Variants in NOVA1 observed in about 807,000 individuals in gnomAD.
NOVA1 encodes NOVA alternative splicing regulator 1.
A neutral mutation model predicts 38.0 loss-of-function variants in NOVA1; 7 were observed. That is an observed-to-expected ratio of 0.18 (90% CI 0.10 to 0.35). The LOEUF (loss-of-function observed/expected upper bound fraction) is 0.35. NOVA1 is among the 10% of genes least tolerant of loss of function. The pLI, the probability that NOVA1 is intolerant of heterozygous loss-of-function variation, is 1.00. For synonymous variants in NOVA1, 270 were observed against 232.5 expected (o/e 1.16, Z -1.47); for missense variants, 460 against 616.0 (o/e 0.75, Z 2.68).
At chr14:26,488,189 C>T (rs1886066964) in intron 2 of NOVA1, among the ~76,000 whole-genome samples, 1 of 152,164 alleles carries the variant, frequency 6.6e-6, no homozygotes, top group African/African-American at 2.4e-5. Flanking sequence ...ATATAACATG[C>T]TTAATCCAAA....
intron 2 of NOVA1, among the ~76,000 whole-genome samples, chr14:26,505,087 G>A (rs1887543059): frequency 6.6e-6 from 1 of 152,036 alleles, no homozygotes; most frequent in Admixed American, 6.6e-5. Context: ...ATCACATTCA[G>A]ATAGGTAAAA....
Position 26,597,489 on chromosome 14 carries a change from C to A in NOVA1, c.-53G>T. 1.8e-6 allele frequency: 2 copies of A among 1,086,474 alleles called. No individual in the cohort carries two copies. The allele number at this position is 1,086,474 out of a possible 1,614,324, so 67.3% of individuals were successfully genotyped here. ...GAGAAGGTTCTCCCTTTTGTTTTGGCTTTTTCTTTTCTTTTTTCTTTTTTT... is the reference window on the plus strand; with the variant it reads ...GAGAAGGTTCTCCCTTTTGTTTTGGATTTTTCTTTTCTTTTTTCTTTTTTT... On this transcript the variant is annotated 5_prime_UTR_variant, in exon 1 of 5. Transcript: ENST00000539517.
intron 3 of NOVA1, among the ~76,000 whole-genome samples, chr14:26,478,486 T>C (rs1053456305): frequency 3.9e-5 from 6 of 152,086 alleles, no homozygotes; most frequent in South Asian, 2.1e-4. Context: ...AGAAAGCCAA[T>C]AGACCTTATA....
At chr14:26,474,285 A>ACTAT (rs1884806639) in intron 3 of NOVA1, among the ~76,000 whole-genome samples, 1 of 152,028 alleles carries the variant, frequency 6.6e-6, no homozygotes, top group South Asian at 2.1e-4. Flanking sequence ...CATTAGAAGT[A>ACTAT]CTATCTAATG....
At chr14:26,566,520 A>G (rs1185575077) in intron 2 of NOVA1, among the ~76,000 whole-genome samples, 2 of 152,136 alleles carry the variant, frequency 1.3e-5, no homozygotes, top group Admixed American at 1.3e-4. Flanking sequence ...TATGGCTTTG[A>G]AAATAGTAAA....
intron 2 of NOVA1, among the ~76,000 whole-genome samples, chr14:26,535,343 T>C (rs533322091): frequency 3.3e-5 from 5 of 152,266 alleles, no homozygotes; most frequent in East Asian, 1.9e-4. Flanking sequence ...AAAACGGATA[T>C]GGTTTATTTA....
intron 2 of NOVA1, among the ~76,000 whole-genome samples, chr14:26,559,325 C>T (rs544565092): frequency 3.3e-5 from 5 of 151,968 alleles, no homozygotes; most frequent in Admixed American, 6.6e-5. Flanking sequence ...TTATTCTTAC[C>T]GTCATCATTT....
At chr14:26,455,820 G>A (rs1307885476) in intron 4 of NOVA1, among the ~76,000 whole-genome samples, 2 of 151,824 alleles carry the variant, frequency 1.3e-5, no homozygotes, top group African/African-American at 4.8e-5. Flanking sequence ...AAAACTACTA[G>A]AAGTTAAATA....
At chr14:26,525,102 G>A (rs1889203872) in intron 2 of NOVA1, among the ~76,000 whole-genome samples, 1 of 152,100 alleles carries the variant, frequency 6.6e-6, no homozygotes, top group Non-Finnish European at 1.5e-5. Flanking sequence ...CAAATTCTGA[G>A]GATCAAGACC....
chr14:26,578,518 G>C (rs1893007541), intron 2 of NOVA1, among the ~76,000 whole-genome samples: 1 of 152,046 alleles, frequency 6.6e-6, no homozygotes, highest in Non-Finnish European at 1.5e-5. Flanking sequence ...GTAGAGGTAG[G>C]CCTTTGCTAG....
At chr14:26,540,842 G>C (rs796168099) in intron 2 of NOVA1, among the ~76,000 whole-genome samples, 8 of 152,246 alleles carry the variant, frequency 5.3e-5, no homozygotes, top group African/African-American at 1.9e-4. Context: ...ATCCTCCATG[G>C]AAAGCACAAA....
chr14:26,564,239 C>T (rs1374118810), intron 2 of NOVA1, among the ~76,000 whole-genome samples: 2 of 152,096 alleles, frequency 1.3e-5, no homozygotes, highest in African/African-American at 4.8e-5. Context: ...TCTTACAAAC[C>T]ATGGTACTTC....
At chr14:26,514,532 T>A (rs73599992) in intron 2 of NOVA1, among the ~76,000 whole-genome samples, 7,303 of 151,922 alleles carry the variant, frequency 0.048, 541 homozygotes, top group African/African-American at 0.16. Context: ...TTACATATTT[T>A]TAAGTACGTA....
At chr14:26,540,604 A>T (rs1333414659) in intron 2 of NOVA1, among the ~76,000 whole-genome samples, 2 of 152,246 alleles carry the variant, frequency 1.3e-5, no homozygotes, top group East Asian at 3.8e-4. Flanking sequence ...TTGTTTTCAC[A>T]TTAGTAGCAA....
chr14:26,525,260 A>G (rs560540497), intron 2 of NOVA1, among the ~76,000 whole-genome samples: 1 of 152,272 alleles, frequency 6.6e-6, no homozygotes, highest in South Asian at 2.1e-4. Context: ...CTCAGCTGCA[A>G]ACAATAAAAC....
At chr14:26,595,176 C>T (rs1203237541) in intron 2 of NOVA1, among the ~76,000 whole-genome samples, 3 of 151,938 alleles carry the variant, frequency 2.0e-5, no homozygotes, top group African/African-American at 7.3e-5. Context: ...CAGAAATACC[C>T]GAATCATCTT....
chr14:26,459,239 T>C (rs1883454368), intron 4 of NOVA1, among the ~76,000 whole-genome samples: 1 of 152,140 alleles, frequency 6.6e-6, no homozygotes, highest in African/African-American at 2.4e-5. Flanking sequence ...AGTATCATTT[T>C]TTATCTTTTA....
chr14:26,539,321 C>T (rs1443584057), intron 2 of NOVA1, among the ~76,000 whole-genome samples: 2 of 152,014 alleles, frequency 1.3e-5, no homozygotes, highest in East Asian at 3.9e-4. Flanking sequence ...CACTAAATGC[C>T]ACAAAACTTG....
At chr14:26,538,180 C>A (rs986238348) in intron 2 of NOVA1, among the ~76,000 whole-genome samples, 1 of 152,064 alleles carries the variant, frequency 6.6e-6, no homozygotes, top group African/African-American at 2.4e-5. Flanking sequence ...CCAATATCCC[C>A]CAAACAATCA....
Sources: allele counts gnomAD v4.1 joint callset (sites outside exome capture counted in the v4.1 genomes callset), GRCh38; gene constraint gnomAD v4.1.1; transcripts MANE v1.5; gene names NCBI Gene and HGNC (gene_info 2026-07-23, HGNC 2026-07-21).